Variants in ALS2 observed in about 807,000 individuals in gnomAD.
The protein encoded by ALS2 is alsin.
In ALS2, 117 loss-of-function variants were observed where a neutral mutation model predicts 203.4. The ratio of observed to expected loss-of-function variants is 0.58; its 90% CI spans 0.50 to 0.67. The LOEUF is 0.67. Among genes scored for constraint, ALS2 ranks in the 30% least tolerant of loss-of-function variants. The pLI is 0.00. For missense variants in ALS2, 1,715 were observed against 1,989.4 expected (o/e 0.86, Z 2.62); for synonymous variants, 718 against 725.9 (o/e 0.99, Z 0.17).
intron 4 of ALS2, chr2:201,760,496 G>A (rs1234543869): frequency 9.9e-7 from 1 of 1,008,276 alleles, no homozygotes; most frequent in Non-Finnish European, 1.2e-6. Flanking sequence ...TTTCTCTACA[G>A]AATTCTGAAG....
intron 12 of ALS2, 70 bp downstream of exon 12, chr2:201,738,600 G>A (rs1574734400): frequency 1.8e-5 from 26 of 1,463,192 alleles, no homozygotes; most frequent in Middle Eastern, 1.7e-4. Flanking sequence ...CTGAGCACTC[G>A]AAAACAGAGC....
At chr2:201,752,981 T>C (rs1693156673) in intron 7 of ALS2, among the ~76,000 whole-genome samples, 165 bp downstream of exon 7, 1 of 152,222 alleles carries the variant, frequency 6.6e-6, no homozygotes, top group African/African-American at 2.4e-5. Context: ...TCCACTTCCC[T>C]CGTCTGTAAA....
intron 1 of ALS2, among the ~76,000 whole-genome samples, chr2:201,777,764 T>C (rs1694722843): frequency 6.6e-6 from 1 of 152,176 alleles, no homozygotes; most frequent in Admixed American, 6.5e-5. Flanking sequence ...TAATGCATGC[T>C]ATTATGTTGC....
Position 201,710,010 on chromosome 2 carries a change from C to T in ALS2, c.4151G>A (p.Gly1384Asp). Residue 1384 changes from glycine to aspartate, a missense_variant, in exon 27 of 34, where the codon GGC becomes GAC. This residue lies in a region of ALS2 where 1,227 missense variants were observed against 1,413.5 expected (regional missense o/e 0.87). Transcript: ENST00000264276. ...KACDTPLHPL[G>D]RLVETLVAVY... Reference sequence around the variant, plus strand: ...TGCAACCAGTGTCTCCACAAGCCTGCCCAGGGGGTGCAGAGGAGTGTCACA... The same window carrying T: ...TGCAACCAGTGTCTCCACAAGCCTGTCCAGGGGGTGCAGAGGAGTGTCACA... 6.2e-7 allele frequency: 1 copy of T among 1,613,910 alleles called. No individual in the cohort carries two copies.
rs574456456 is a variant in ALS2, at chr2:201,724,376, G to A, written c.3431C>T (p.Thr1144Met). Residue 1144 changes from threonine (T) to methionine (M), a missense_variant, in exon 21 of 34, where the codon ACG becomes ATG. Coordinates refer to ENST00000264276, the MANE Select transcript of ALS2 (RefSeq NM_020919.4). ...AATGAACATACTAGGAGAAGAGGAC[G>A]TCAATTTCCCACTTCGTAGAAGACC... is the stretch of plus-strand genomic sequence containing the variant. ...GHGLLRSGKL[T>M]SSSPSMFIGQ... The A allele has an allele frequency of 1.2e-4, 187 of 1,613,548 alleles. No individual in the cohort carries two copies. The South Asian group carries it at 1.9e-3, about 16-fold the overall frequency.
At chr2:201,710,424 C>T (rs907251832) in intron 26 of ALS2, among the ~76,000 whole-genome samples, 24 of 83,826 alleles carry the variant, frequency 2.9e-4, no homozygotes, top group African/African-American at 8.2e-4. Context: ...CAGTGAGAAC[C>T]CCCATATCTA....
chr2:201,701,715 G>A lies in ALS2; in HGVS notation c.*136C>T. The stretch of plus-strand genomic sequence containing the variant: ...GGCTCAGGGCTCTTATTATTGGTAA[G>A]GCTCATTCTAACAACCTAAATAACA... On this transcript the variant is annotated 3_prime_UTR_variant, in exon 34 of 34. Coordinates refer to ENST00000264276, the MANE Select transcript of ALS2 (RefSeq NM_020919.4). 4.9e-6 allele frequency: 4 copies of A among 815,780 alleles called. No individual in the cohort carries two copies. The highest frequency in any genetic ancestry group is 8.3e-6 in the Non-Finnish European group (4 of 482,032). The allele number at this position is 815,780 out of a possible 1,614,324, so 50.5% of individuals were successfully genotyped here.
At chr2:201,758,286 G>A (rs954857766) in intron 4 of ALS2, among the ~76,000 whole-genome samples, 3 of 152,098 alleles carry the variant, frequency 2.0e-5, no homozygotes, top group African/African-American at 7.2e-5. Flanking sequence ...ATAGCATATG[G>A]AGATGGAAAA....
intron 16 of ALS2, 27 bp downstream of exon 16, chr2:201,727,678 T>TGGGGGGGGGGG: frequency 1.1e-6 from 1 of 902,988 alleles, no homozygotes; most frequent in Non-Finnish European, 1.5e-6. Context: ...TTGGACGGGG[T>TGGGGGGGGGGG]GGGGTGGGGA....
intron 13 of ALS2, among the ~76,000 whole-genome samples, chr2:201,730,512 C>G (rs2106016716): frequency 6.6e-6 from 1 of 152,182 alleles, no homozygotes; most frequent in East Asian, 1.9e-4. Context: ...TTATTATTGG[C>G]AACAAATACT....
intron 16 of ALS2, 109 bp downstream of exon 16, chr2:201,727,596 G>A: frequency 1.0e-6 from 1 of 955,042 alleles, no homozygotes; most frequent in Non-Finnish European, 1.6e-6. Flanking sequence ...TCATTATACA[G>A]AATGAGGAGA....
rs1303111999 is a variant in ALS2, at chr2:201,701,201, G to A, written c.*650C>T. The A allele has an allele frequency of 6.5e-6, 1 of 152,684 alleles. No individual in the cohort carries two copies. The highest frequency in any genetic ancestry group is 1.5e-5 in the Non-Finnish European group (1 of 68,088). 9.5% of individuals were successfully genotyped at this position (152,684 alleles called of 1,614,324 possible). A position where few individuals can be genotyped will look rare whatever the true frequency, so the allele number is the denominator to read the frequency against. ...TGTTCTTTTAAGTTAAGAGGCAGAA[G>A]ACTCCTATTTGGATGCATTCCACAT... On this transcript the variant is annotated 3_prime_UTR_variant, in exon 34 of 34. Transcript: ENST00000264276.
At chr2:201,763,168 C>A in intron 3 of ALS2, 1 of 223,936 alleles carries the variant, frequency 4.5e-6, no homozygotes, top group Non-Finnish European at 8.7e-6. Flanking sequence ...TCATCCTGGC[C>A]AAGCTCTCCA....
intron 13 of ALS2, among the ~76,000 whole-genome samples, chr2:201,729,467 C>T (rs1559053463): frequency 6.6e-6 from 1 of 152,064 alleles, no homozygotes; most frequent in African/African-American, 2.4e-5. Context: ...AGCAGGAGTT[C>T]TCAAATATTT....
intron 1 of ALS2, among the ~76,000 whole-genome samples, chr2:201,778,872 T>C (rs1180033298): frequency 6.6e-6 from 1 of 152,194 alleles, no homozygotes; most frequent in African/African-American, 2.4e-5. Flanking sequence ...GGCCTTCCTT[T>C]ATACAAGCTT....
rs149670991 is a variant in ALS2 at position 201,724,413 on chromosome 2, G to A, written c.3394C>T (p.Arg1132Cys). ...VFEGCFQDNM[R>C]HGHGLLRSGK... Reference sequence around the variant, plus strand: ...CTTCGTAGAAGACCATGACCATGACGCATATTATCTTGAAAACAGCCCTCA... The same window carrying A: ...CTTCGTAGAAGACCATGACCATGACACATATTATCTTGAAAACAGCCCTCA... The change falls in exon 21 of 34, where the codon CGT becomes TGT. Residue 1132 changes from arginine (R) to cysteine (C), a missense_variant. By Grantham distance (180) the Arg-to-Cys change is radical (BLOSUM62 -3). Coordinates refer to ENST00000264276, the MANE Select transcript of ALS2 (RefSeq NM_020919.4). 1.7e-5 allele frequency: 27 copies of A among 1,613,904 alleles called. No homozygotes were observed. Among genetic ancestry groups the A allele is most frequent in the East Asian group, 1.1e-4 (5 of 44,846 alleles).
In ALS2 at chr2:201,753,241, G is replaced by A. The variant is rs768875257; in HGVS notation, c.1642C>T (p.Leu548Phe). ...QLGHGDVLPRLQPLCVKCLDG... is the reference protein window; with the variant it reads ...QLGHGDVLPRFQPLCVKCLDG... ...AGACATTTTACACACAACGGTTGAA[G>A]CCTTAAAAAGAAACACACAGGCACA... The change falls in exon 7 of 34, where the codon CTT becomes TTT. Residue 548 changes from leucine (L) to phenylalanine (F), a missense_variant and splice_region_variant. By Grantham distance (22) the Leu-to-Phe change is conservative (BLOSUM62 0). This residue lies in a region of ALS2 where 1,227 missense variants were observed against 1,413.5 expected (regional missense o/e 0.87). Transcript: ENST00000264276. 1 of 1,613,408 alleles carries A rather than the reference G, an allele frequency of 6.2e-7. No individual in the cohort carries two copies. The highest frequency in any genetic ancestry group is 8.5e-7 in the Non-Finnish European group (1 of 1,179,402).
intron 12 of ALS2, among the ~76,000 whole-genome samples, chr2:201,737,869 C>T (rs1691983121): frequency 6.6e-6 from 1 of 151,902 alleles, no homozygotes; most frequent in Admixed American, 6.6e-5. Context: ...TTGCAGTGAG[C>T]CAAGATTGCG....
In ALS2 at chr2:201,778,813, C is replaced by T. The variant is rs574620131; in HGVS notation, c.-61+2064G>A. On this transcript the variant is annotated intron_variant, in intron 1 of 33. Transcript: ENST00000264276. ...CTAAATGATTTAAAAGTCACAAATC[C>T]TCACAGCATGCCTCTGAGTGAGAAA... Among the ~76,000 whole-genome samples the T allele has an allele frequency of 3.9e-5, 6 of 152,286 alleles. No homozygotes were observed. In the South Asian group the frequency reaches 6.2e-4, roughly 16 times the overall value.
Sources: allele counts gnomAD v4.1 joint callset (sites outside exome capture counted in the v4.1 genomes callset), GRCh38; gene constraint gnomAD v4.1.1; regional missense constraint gnomAD v4.1.1; transcripts MANE v1.5; gene names NCBI Gene and HGNC (gene_info 2026-07-23, HGNC 2026-07-21).